LRRC59: variants seen among roughly 807,000 people sequenced by gnomAD.
LRRC59 encodes the protein leucine rich repeat containing 59.
Under a neutral mutation model 33.5 loss-of-function variants are expected in LRRC59, and 18 were observed. The ratio of observed to expected loss-of-function variants is 0.54; its 90% CI spans 0.37 to 0.80. The LOEUF is 0.80. Among genes scored for constraint, LRRC59 ranks in the 30% least tolerant of loss-of-function variants. LRRC59 has a pLI of 0.00. For missense variants in LRRC59, 330 were observed against 391.9 expected (o/e 0.84, Z 1.33); for synonymous variants, 138 against 160.0 (o/e 0.86, Z 1.04).
intron 4 of LRRC59, among the ~76,000 whole-genome samples, chr17:50,391,568 T>C (rs1431510977): frequency 6.6e-6 from 1 of 152,208 alleles, no homozygotes; most frequent in Non-Finnish European, 1.5e-5. Context: ...GGTGTAATGC[T>C]GTTCTTAATA....
intron 4 of LRRC59, among the ~76,000 whole-genome samples, chr17:50,390,660 T>C (rs1914122561): frequency 6.6e-6 from 1 of 152,118 alleles, no homozygotes; most frequent in Non-Finnish European, 1.5e-5. Flanking sequence ...TTTTTAAAAA[T>C]TGCTTTAATA....
chr17:50,392,430 C>T lies in LRRC59; in HGVS notation c.397G>A (p.Asp133Asn). Residue 133 changes from aspartate to asparagine, a missense_variant, in exon 4 of 7, where the codon GAT becomes AAT. By Grantham distance (23) the Asp-to-Asn change is conservative (BLOSUM62 1). Coordinates refer to ENST00000225972, the MANE Select transcript of LRRC59 (RefSeq NM_018509.4). ...GCACACTGCTTACACTGCTTCTCATCCAAGCAGTCACCTGCCACCTTGGCC... is the reference window on the plus strand; with the variant it reads ...GCACACTGCTTACACTGCTTCTCATTCAAGCAGTCACCTGCCACCTTGGCC... ...VLAKVAGDCL[D>N]EKQCKQCANK... 6.2e-7 allele frequency: 1 copy of T among 1,614,142 alleles called. No homozygotes were observed. The highest frequency in any genetic ancestry group is 8.5e-7 in the Non-Finnish European group (1 of 1,180,020).
intron 4 of LRRC59, among the ~76,000 whole-genome samples, chr17:50,390,616 C>T (rs1914121370): frequency 6.6e-6 from 1 of 152,186 alleles, no homozygotes; most frequent in South Asian, 2.1e-4. Flanking sequence ...TCATAGCATA[C>T]AGTAAGCACT....
In LRRC59 at chr17:50,392,497, C is replaced by T; in HGVS notation, c.330G>A (p.Leu110=). Residue 110 remains leucine, a synonymous_variant, in exon 4 of 7, where the codon CTG becomes CTA. Transcript: ENST00000225972. ...LPVSFAQLKN[L]KWLDLKDNPL... ...GGTTATCCTTCAGGTCCAACCACTT[C>T]AGGTTCTAAAGAGATGGGCGATGGG... The T allele has an allele frequency of 1.2e-6, 2 of 1,613,700 alleles. No individual in the cohort carries two copies. The highest frequency in any genetic ancestry group is 3.3e-5 in the Admixed American group (2 of 60,012).
intron 2 of LRRC59, among the ~76,000 whole-genome samples, chr17:50,393,914 C>T (rs1230133105): frequency 6.6e-6 from 1 of 152,222 alleles, no homozygotes; most frequent in Non-Finnish European, 1.5e-5. Context: ...TGCTCTCAAA[C>T]TCCTGGGCTA....
Position 50,397,373 on chromosome 17 carries a change from G to GAA in LRRC59, c.-58_-57dup. On this transcript the variant is annotated 5_prime_UTR_variant, in exon 1 of 7. Transcript: ENST00000225972. Reference sequence around the variant, plus strand: ...GGGGTTCCGGCGGGTGAAAGGAGCTGAAATGTCGCTTGTCAGTTCAGCGGC... The same window carrying GAA: ...GGGGTTCCGGCGGGTGAAAGGAGCTGAAAAATGTCGCTTGTCAGTTCAGCGGC... 1.4e-6 allele frequency: 2 copies of GAA among 1,405,164 alleles called. No individual in the cohort carries two copies. Among genetic ancestry groups the GAA allele is most frequent in the Non-Finnish European group, 2.0e-6 (2 of 1,016,542 alleles). The allele number at this position is 1,405,164 out of a possible 1,614,324, so 87.0% of individuals were successfully genotyped here. A position where few individuals can be genotyped will look rare whatever the true frequency, so the allele number is the denominator to read the frequency against.
At chr17:50,383,760 T>C (rs894312084) in intron 6 of LRRC59, among the ~76,000 whole-genome samples, 2 of 152,096 alleles carry the variant, frequency 1.3e-5, no homozygotes, top group Non-Finnish European at 2.9e-5. Flanking sequence ...GTATCTTTTC[T>C]CAATTCTTTG....
At chr17:50,395,861 C>G (rs1199437432) in intron 1 of LRRC59, 2 of 151,740 alleles carry the variant, frequency 1.3e-5, no homozygotes, top group East Asian at 3.9e-4. Flanking sequence ...TTCAGTGAGC[C>G]GAGATCACTC....
In LRRC59 at chr17:50,382,096, A is replaced by T. The variant is rs1273374015; in HGVS notation, c.*892T>A. ...GCAATTAGGGAGTTAATGCTCTAAA[A>T]TTAGGCAAGGAGCCTGGACTGTTGC... On this transcript the variant is annotated 3_prime_UTR_variant, in exon 7 of 7. Coordinates refer to ENST00000225972, the MANE Select transcript of LRRC59 (RefSeq NM_018509.4). The T allele has an allele frequency of 6.7e-6, 1 of 149,802 alleles. No individual in the cohort carries two copies. Among genetic ancestry groups the T allele is most frequent in the Non-Finnish European group, 1.5e-5 (1 of 68,012 alleles). The allele number at this position is 149,802 out of a possible 1,614,324, so 9.3% of individuals were successfully genotyped here.
At chr17:50,384,521 T>C (rs1314197940) in intron 6 of LRRC59, among the ~76,000 whole-genome samples, 1 of 152,070 alleles carries the variant, frequency 6.6e-6, no homozygotes, top group African/African-American at 2.4e-5. Flanking sequence ...ATCCCAGCAC[T>C]TGGGGAGGCC....
intron 5 of LRRC59, 67 bp downstream of exon 5, chr17:50,387,993 G>A (rs1394373183): frequency 6.6e-7 from 1 of 1,507,394 alleles, no homozygotes; most frequent in African/African-American, 1.4e-5. Context: ...CCCAGCTCCT[G>A]AAGCATGAGA....
intron 5 of LRRC59, among the ~76,000 whole-genome samples, chr17:50,386,764 T>G: frequency 6.6e-6 from 1 of 152,158 alleles, no homozygotes. Context: ...ACTGTACACA[T>G]CCCTTCTTGA....
chr17:50,383,754 C>A (rs993597624), intron 6 of LRRC59, among the ~76,000 whole-genome samples: 1 of 151,866 alleles, frequency 6.6e-6, no homozygotes, highest in South Asian at 2.1e-4. Context: ...AGATAGGTAT[C>A]TTTTCTCAAT....
chr17:50,397,211 A>C lies in LRRC59; in HGVS notation c.105+2T>G. 1 of 1,596,272 alleles carries C rather than the reference A, an allele frequency of 6.3e-7. No individual in the cohort carries two copies. Among genetic ancestry groups the C allele is most frequent in the Non-Finnish European group, 8.5e-7 (1 of 1,172,252 alleles). On this transcript the variant is annotated splice_donor_variant, in intron 1 of 6. Coordinates refer to ENST00000225972, the MANE Select transcript of LRRC59 (RefSeq NM_018509.4). LOFTEE classifies it high-confidence loss of function. Reference sequence around the variant, plus strand: ...GCCTGGGCCTCGCGGGACGATACTGACCAGCTCCTTCACCGGGACCTCATT... The same window carrying C: ...GCCTGGGCCTCGCGGGACGATACTGCCCAGCTCCTTCACCGGGACCTCATT...
chr17:50,397,216 C>A lies in LRRC59; in HGVS notation c.102G>T (p.Glu34Asp). ...GGCCTCGCGGGACGATACTGACCAG[C>A]TCCTTCACCGGGACCTCATTCAGGT... ...LSDLNEVPVK[E>D]LAALPKATIL... The change falls in exon 1 of 7, where the codon GAG (glutamate) becomes GAT (aspartate). Residue 34 changes from glutamate (E) to aspartate (D), a missense_variant. Physicochemically the swap from Glu to Asp is conservative, Grantham distance 45. Coordinates refer to ENST00000225972, the MANE Select transcript of LRRC59 (RefSeq NM_018509.4). 6.3e-7 allele frequency: 1 copy of A among 1,597,432 alleles called. No individual in the cohort carries two copies. The highest frequency in any genetic ancestry group is 8.5e-7 in the Non-Finnish European group (1 of 1,172,854).
intron 4 of LRRC59, among the ~76,000 whole-genome samples, chr17:50,388,432 T>G (rs1427979747): frequency 6.6e-6 from 1 of 152,110 alleles, no homozygotes; most frequent in African/African-American, 2.4e-5. Context: ...TCTCAGCTAC[T>G]TAGGAGGCCA....
chr17:50,392,568 G>A, intron 3 of LRRC59, 66 bp from the exon 4 acceptor site: 1 of 1,490,108 alleles, frequency 6.7e-7, no homozygotes. Flanking sequence ...GTCCCTCAGG[G>A]TGAAACAAAA....
chr17:50,382,860 G>C lies in LRRC59; in HGVS notation c.*128C>G. ...AAGTCCTACAAAGAGGAGGTCTCAT[G>C]TACCAATCTGCAGCCATTTGATGAT... is the stretch of plus-strand genomic sequence containing the variant. On this transcript the variant is annotated 3_prime_UTR_variant, in exon 7 of 7. Coordinates refer to ENST00000225972, the MANE Select transcript of LRRC59 (RefSeq NM_018509.4). 8.4e-7 allele frequency: 1 copy of C among 1,196,852 alleles called. No individual in the cohort carries two copies. The allele number at this position is 1,196,852 out of a possible 1,614,324, so 74.1% of individuals were successfully genotyped here.
At chr17:50,396,897 C>T in intron 1 of LRRC59, 1 of 392,412 alleles carries the variant, frequency 2.5e-6, no homozygotes, top group Non-Finnish European at 4.5e-6. Context: ...CCGTGTGCTC[C>T]TACTCAGAGT....
Sources: gnomAD v4.1 joint callset for allele counts (sites outside exome capture counted in the v4.1 genomes callset) on GRCh38, gnomAD v4.1.1 for gene constraint, MANE v1.5 for transcripts, NCBI Gene and HGNC (gene_info 2026-07-23, HGNC 2026-07-21) for gene names.